The following NIBAN1 variants were observed in gnomAD, a reference collection of about 807,000 sequenced individuals.
The protein encoded by NIBAN1 is niban apoptosis regulator 1, also known as protein Niban 1.
A neutral mutation model predicts 75.1 loss-of-function variants in NIBAN1; 81 were observed. The observed-to-expected ratio is 1.08, with a 90% CI of 0.90 to 1.30. NIBAN1 has a LOEUF of 1.30. Ranked by LOEUF, NIBAN1 falls within the 50% of genes most tolerant of loss-of-function variation. The pLI, the probability that NIBAN1 is intolerant of heterozygous loss-of-function variation, is 0.00. For synonymous variants in NIBAN1, 436 were observed against 424.8 expected, an observed-to-expected ratio of 1.03 and a Z score of -0.32; for missense variants, 1,133 against 1,128.1, an observed-to-expected ratio of 1.00 and a Z score of -0.06.
chr1:184,900,974 G>C (rs1229062685), intron 1 of NIBAN1, among the ~76,000 whole-genome samples: 1 of 152,164 alleles, frequency 6.6e-6, no homozygotes. Context: ...TTTGTTTAGA[G>C]CTATCATGTG....
intron 12 of NIBAN1, among the ~76,000 whole-genome samples, chr1:184,799,478 T>A (rs1265202893): frequency 2.0e-5 from 3 of 150,030 alleles, no homozygotes; most frequent in African/African-American, 7.4e-5. Context: ...GACTTTGCTA[T>A]TGTGAATAGT....
At chr1:184,822,945 A>T (rs751750376) in intron 8 of NIBAN1, among the ~76,000 whole-genome samples, 2 of 151,866 alleles carry the variant, frequency 1.3e-5, no homozygotes, top group Non-Finnish European at 2.9e-5. Context: ...GGCACTGCCA[A>T]AGGCAAGAAA....
chr1:184,891,895 GA>G (rs1656676204), intron 3 of NIBAN1, among the ~76,000 whole-genome samples: 1 of 152,074 alleles, frequency 6.6e-6, no homozygotes, highest in African/African-American at 2.4e-5. Context: ...GACTTTAAAA[GA>G]ATTCCAAGTT....
chr1:184,824,016 G>A (rs565215019), intron 6 of NIBAN1, among the ~76,000 whole-genome samples: 2 of 152,160 alleles, frequency 1.3e-5, no homozygotes, highest in Non-Finnish European at 2.9e-5. Context: ...CCCCAAATTC[G>A]AACTTCACAT....
chr1:184,890,930 G>A (rs1656652350), intron 3 of NIBAN1, among the ~76,000 whole-genome samples: 1 of 152,164 alleles, frequency 6.6e-6, no homozygotes, highest in Admixed American at 6.5e-5. Context: ...TAACATTTAA[G>A]TATGTGCATC....
chr1:184,841,949 C>T (rs1655298082), intron 5 of NIBAN1, among the ~76,000 whole-genome samples: 1 of 152,062 alleles, frequency 6.6e-6, no homozygotes, highest in African/African-American at 2.4e-5. Flanking sequence ...CTGTAAACTC[C>T]AAAAGGATAG....
intron 6 of NIBAN1, among the ~76,000 whole-genome samples, chr1:184,828,443 T>C (rs1481377053): frequency 2.0e-5 from 3 of 152,240 alleles, no homozygotes; most frequent in African/African-American, 4.8e-5. Flanking sequence ...AACTCAGTTA[T>C]GCTATGCCAT....
chr1:184,804,740 T>C (rs906778773), intron 11 of NIBAN1, among the ~76,000 whole-genome samples: 2 of 152,034 alleles, frequency 1.3e-5, no homozygotes, highest in African/African-American at 2.4e-5. Context: ...TGCAATTTCA[T>C]CATTATGTGT....
At chr1:184,932,660 A>G (rs1208613719) in intron 1 of NIBAN1, among the ~76,000 whole-genome samples, 1 of 152,176 alleles carries the variant, frequency 6.6e-6, no homozygotes, top group East Asian at 1.9e-4. Context: ...TCTAGAACAC[A>G]TGGAAAGTCA....
At chr1:184,883,837 C>T (rs1656439866) in intron 5 of NIBAN1, among the ~76,000 whole-genome samples, 1 of 152,124 alleles carries the variant, frequency 6.6e-6, no homozygotes, top group East Asian at 1.9e-4. Context: ...GATCCAGAAA[C>T]AAATACTAGA....
In NIBAN1 at chr1:184,871,097, A is replaced by G. The variant is rs146792664; in HGVS notation, c.601+13536T>C. Reference sequence around the variant, plus strand: ...TGCAGTGGCTCATGCCTGTAATCCCAGTATTTTGGGAGGCCAAGGTGGGCA... The same window carrying G: ...TGCAGTGGCTCATGCCTGTAATCCCGGTATTTTGGGAGGCCAAGGTGGGCA... On this transcript the variant is annotated intron_variant, in intron 5 of 13. Transcript: ENST00000367511. Among the ~76,000 whole-genome samples the G allele has an allele frequency of 3.3e-3, 509 of 152,280 alleles. 7 individuals are homozygous for G. The East Asian group carries it at 0.04, about 12-fold the overall frequency.
intron 4 of NIBAN1, among the ~76,000 whole-genome samples, chr1:184,886,290 G>A (rs749699686): frequency 4.6e-5 from 7 of 152,116 alleles, no homozygotes; most frequent in Admixed American, 3.3e-4. Flanking sequence ...AGGGAGGCGG[G>A]GGAGGGGAAT....
chr1:184,867,869 T>C (rs981971820), intron 5 of NIBAN1: 13 of 985,448 alleles, frequency 1.3e-5, no homozygotes, highest in Non-Finnish European at 1.6e-5. Context: ...CTTACCTTAA[T>C]AGAGGCTCTT....
rs868071623 is a variant in NIBAN1 at position 184,796,089 on chromosome 1, C to T, written c.1675G>A (p.Glu559Lys). Reference sequence around the variant, plus strand: ...TTGTGTTTCTTCAAGATAGCAGCTTCCTTTATCACTGAGAGATATCAGAAA... The same window carrying T: ...TTGTGTTTCTTCAAGATAGCAGCTTTCTTTATCACTGAGAGATATCAGAAA... ...LLDETLKVIK[E>K]AAILKKHNLF... The change falls in exon 14 of 14, where the codon GAA becomes AAA. Residue 559 changes from glutamate to lysine, a missense_variant. Coordinates refer to ENST00000367511, the MANE Select transcript of NIBAN1 (RefSeq NM_052966.4). 5 of 1,523,374 alleles carry T rather than the reference C, an allele frequency of 3.3e-6. No individual in the cohort carries two copies. Among genetic ancestry groups the T allele is most frequent in the African/African-American group, 1.4e-5 (1 of 71,394 alleles). The allele number at this position is 1,523,374 out of a possible 1,614,324, so 94.4% of individuals were successfully genotyped here.
chr1:184,942,379 A>G (rs577493980), intron 1 of NIBAN1, among the ~76,000 whole-genome samples: 98 of 152,384 alleles, frequency 6.4e-4, no homozygotes, highest in African/African-American at 2.3e-3. Context: ...TCTCTAGCAT[A>G]GTAGGAAGAA....
In NIBAN1 at chr1:184,899,222, A is replaced by T. The variant is rs1656881768; in HGVS notation, c.143T>A (p.Val48Glu). Residue 48 changes from valine to glutamate, a missense_variant, in exon 2 of 14, where the codon GTA becomes GAA. Val to Glu is a moderately radical substitution (Grantham distance 121). Transcript: ENST00000367511. ...VAFCNHVRTE[V>E]EQQRDLTSQF... ...TGACGTTAAATCTCTTTGCTGTTCT[A>T]CTTCAGTGCGCACGTGATTGCAGAA... 1 of 1,613,966 alleles carries T rather than the reference A, an allele frequency of 6.2e-7. No homozygotes were observed. The highest frequency in any genetic ancestry group is 1.1e-5 in the South Asian group (1 of 91,080).
At chr1:184,938,042 A>G (rs1467309472) in intron 1 of NIBAN1, among the ~76,000 whole-genome samples, 1 of 152,198 alleles carries the variant, frequency 6.6e-6, no homozygotes, top group Non-Finnish European at 1.5e-5. Context: ...ATTGGAAAGA[A>G]GCTCACAAGA....
chr1:184,823,122 G>A (rs374298627), intron 8 of NIBAN1, 45 bp downstream of exon 8: 38 of 1,597,112 alleles, frequency 2.4e-5, no homozygotes, highest in Middle Eastern at 3.3e-4. Context: ...ATCCCTGCAT[G>A]TACAGCTTAT....
chr1:184,957,548 T>C (rs1658520885), intron 1 of NIBAN1, among the ~76,000 whole-genome samples: 1 of 152,226 alleles, frequency 6.6e-6, no homozygotes, highest in Non-Finnish European at 1.5e-5. Flanking sequence ...TTCAGCAGTA[T>C]GTGAAAGCCA....
Sources: allele counts gnomAD v4.1 joint callset (sites outside exome capture counted in the v4.1 genomes callset), GRCh38; gene constraint gnomAD v4.1.1; transcripts MANE v1.5; gene names NCBI Gene and HGNC (gene_info 2026-07-23, HGNC 2026-07-21).